ZNHIT3: variants seen among roughly 807,000 people sequenced by gnomAD.
ZNHIT3 encodes zinc finger HIT domain-containing protein 3.
ZNHIT3 carries 27 observed loss-of-function variants against 19.9 expected under a neutral mutation model. That is an observed-to-expected ratio of 1.36 (90% CI 1.00 to 1.87). ZNHIT3 has a LOEUF of 1.87. Among genes scored for constraint, ZNHIT3 ranks in the 40% most tolerant of loss-of-function variants. The pLI, the probability that ZNHIT3 is intolerant of heterozygous loss-of-function variation, is 0.00. For missense variants in ZNHIT3, 215 were observed against 185.6 expected, an observed-to-expected ratio of 1.16 and a Z score of -0.92; for synonymous variants, 81 against 65.7, an observed-to-expected ratio of 1.23 and a Z score of -1.13.
intron 1 of ZNHIT3, 68 bp downstream of exon 1, chr17:36,486,853 GA>G: frequency 6.3e-7 from 1 of 1,587,012 alleles, no homozygotes; most frequent in African/African-American, 1.4e-5. Flanking sequence ...GGGAGGCCGG[GA>G]GGCCGGGCGG....
rs1371242597 is a variant in ZNHIT3 at position 36,495,775 on chromosome 17, T to G, written c.*371T>G. 1 of 1,233,804 alleles carries G rather than the reference T, an allele frequency of 8.1e-7. No individual in the cohort carries two copies. Among genetic ancestry groups the G allele is most frequent in the Non-Finnish European group, 1.0e-6 (1 of 989,802 alleles). 76.4% of individuals were successfully genotyped at this position (1,233,804 alleles called of 1,614,324 possible). A position where few individuals can be genotyped will look rare whatever the true frequency, so the allele number is the denominator to read the frequency against. ...TACTGTACATTGCATTATTCATAAT[T>G]TAATTGTTTGAAATTACATTAAATA... On this transcript the variant is annotated 3_prime_UTR_variant, in exon 5 of 5. Coordinates refer to ENST00000617429, the MANE Select transcript of ZNHIT3 (RefSeq NM_004773.4).
chr17:36,496,055 A>G, downstream of ZNHIT3: 1 of 832,302 alleles, frequency 1.2e-6, no homozygotes, highest in South Asian at 1.9e-5. Flanking sequence ...TGACACCATC[A>G]GTGCTTGATG....
intron 2 of ZNHIT3, chr17:36,491,962 T>C (rs532297518): frequency 1.3e-5 from 2 of 152,336 alleles, no homozygotes; most frequent in South Asian, 4.1e-4. Context: ...ACAGTCTCCA[T>C]GTCATGGGGG....
At chr17:36,487,091 C>G in intron 2 of ZNHIT3, 125 bp downstream of exon 2, 2 of 1,311,248 alleles carry the variant, frequency 1.5e-6, no homozygotes, top group Non-Finnish European at 1.0e-6. Flanking sequence ...TCCGCGGGTT[C>G]TGCAGGAACC....
rs984388422 is a variant in ZNHIT3 at position 36,495,727 on chromosome 17, T to C, written c.*323T>C. 3.8e-5 allele frequency: 48 copies of C among 1,247,886 alleles called. No individual in the cohort carries two copies. Among genetic ancestry groups the C allele is most frequent in the Non-Finnish European group, 4.4e-5 (44 of 997,512 alleles). The allele number at this position is 1,247,886 out of a possible 1,614,324, so 77.3% of individuals were successfully genotyped here. On this transcript the variant is annotated 3_prime_UTR_variant, in exon 5 of 5. Transcript: ENST00000617429. Reference sequence around the variant, plus strand: ...CATATGGAGTTAAACTTGGTCAGTGTTAATAAAATCAAAACGTGATTCTAC... The same window carrying C: ...CATATGGAGTTAAACTTGGTCAGTGCTAATAAAATCAAAACGTGATTCTAC...
chr17:36,498,806 T>TC (rs2142707319), downstream of ZNHIT3: 2 of 595,614 alleles, frequency 3.4e-6, no homozygotes, highest in Non-Finnish European at 6.0e-6. Context: ...ATATAACTGA[T>TC]ATGCCATAAA....
chr17:36,489,302 A>G (rs982316354), intron 2 of ZNHIT3: 1 of 152,192 alleles, frequency 6.6e-6, no homozygotes, highest in Non-Finnish European at 1.5e-5. Flanking sequence ...CTTTGGATAT[A>G]TATACAGTAG....
chr17:36,498,208 G>A (rs1330718047), downstream of ZNHIT3: 2 of 1,553,984 alleles, frequency 1.3e-6, no homozygotes, highest in Non-Finnish European at 1.7e-6. Flanking sequence ...TGAACTTGTA[G>A]GCTTTGCTCC....
chr17:36,496,528 A>G, downstream of ZNHIT3: 1 of 868,900 alleles, frequency 1.2e-6, no homozygotes, highest in Non-Finnish European at 1.8e-6. Context: ...ATTGGGGGCC[A>G]CAGCAGGATT....
In ZNHIT3 at chr17:36,492,871, C is replaced by T; in HGVS notation, c.177C>T (p.Thr59=). 6.2e-7 allele frequency: 1 copy of T among 1,614,164 alleles called. No homozygotes were observed. The highest frequency in any genetic ancestry group is 8.5e-7 in the Non-Finnish European group (1 of 1,180,030). ...VEKKIRSALP[T]KTVKPVENKD... The stretch of plus-strand genomic sequence containing the variant: ...AAAAAATAAGATCAGCTCTTCCTAC[C>T]AAAACCGTAAAGCCTGTGGAAAACA... Residue 59 remains threonine (T), a synonymous_variant, in exon 3 of 5, where the codon ACC becomes ACT. Coordinates refer to ENST00000617429, the MANE Select transcript of ZNHIT3 (RefSeq NM_004773.4).
intron 3 of ZNHIT3, among the ~76,000 whole-genome samples, chr17:36,493,667 C>CAT (rs2070777693): frequency 6.6e-6 from 1 of 152,238 alleles, no homozygotes; most frequent in Non-Finnish European, 1.5e-5. Flanking sequence ...CACAGGACCA[C>CAT]ATATACAGTA....
At chr17:36,499,253 A>C, downstream of ZNHIT3, 2 of 886,292 alleles carry the variant, frequency 2.3e-6, no homozygotes, top group Non-Finnish European at 3.5e-6. Context: ...GTTGCTGTCA[A>C]AGTTTCAAAT....
chr17:36,486,988 C>G, intron 2 of ZNHIT3, 22 bp downstream of exon 2: 1 of 1,610,550 alleles, frequency 6.2e-7, no homozygotes, highest in Non-Finnish European at 8.5e-7. Flanking sequence ...CCCCGCCAGC[C>G]CTCGTACCAC....
intron 3 of ZNHIT3, chr17:36,493,238 T>C: frequency 2.8e-6 from 1 of 356,262 alleles, no homozygotes; most frequent in Non-Finnish European, 5.2e-6. Context: ...GGACTGTCAG[T>C]TCACCTGAAC....
downstream of ZNHIT3, chr17:36,496,133 C>CTGTT: frequency 7.2e-7 from 1 of 1,383,360 alleles, no homozygotes; most frequent in Admixed American, 1.9e-5. Flanking sequence ...GGAGCCGTCA[C>CTGTT]TGTTGTTCAT....
chr17:36,488,553 T>A (rs547134719), intron 2 of ZNHIT3, among the ~76,000 whole-genome samples: 4 of 152,048 alleles, frequency 2.6e-5, no homozygotes, highest in South Asian at 4.1e-4. Context: ...TAAAAAAAAA[T>A]TAAAAAAATT....
intron 2 of ZNHIT3, chr17:36,490,149 A>C (rs557274124): frequency 6.6e-6 from 1 of 152,092 alleles, no homozygotes; most frequent in African/African-American, 2.4e-5. Context: ...TTTATTCATA[A>C]AATCTTTGCC....
At chr17:36,494,064 G>T (rs2070801000) in intron 4 of ZNHIT3, 58 bp downstream of exon 4, 3 of 1,412,974 alleles carry the variant, frequency 2.1e-6, no homozygotes, top group Admixed American at 1.9e-5. Flanking sequence ...TGTAAGGATT[G>T]TGATTTTTTA....
chr17:36,487,003 C>T (rs748759366), intron 2 of ZNHIT3, 37 bp downstream of exon 2: 1 of 1,608,718 alleles, frequency 6.2e-7, no homozygotes, highest in Admixed American at 1.7e-5. Flanking sequence ...TACCACTGCG[C>T]ACGGGGCAGC....
Sources: gnomAD v4.1 joint callset for allele counts (sites outside exome capture counted in the v4.1 genomes callset) on GRCh38, gnomAD v4.1.1 for gene constraint, MANE v1.5 for transcripts, NCBI Gene and HGNC (gene_info 2026-07-23, HGNC 2026-07-21) for gene names.